PRRC1: variants seen among roughly 807,000 people sequenced by gnomAD.
PRRC1 encodes the protein proline rich coiled-coil 1.
Under a neutral mutation model 40.7 loss-of-function variants are expected in PRRC1, and 39 were observed. The observed-to-expected ratio is 0.96, with a 90% CI of 0.74 to 1.25. The LOEUF is 1.25. Ranked by LOEUF, PRRC1 falls within the 50% of genes most tolerant of loss-of-function variation. PRRC1 has a pLI of 0.00. For synonymous variants in PRRC1, 175 were observed against 193.3 expected (o/e 0.91, Z 0.79); for missense variants, 573 against 548.3 (o/e 1.05, Z -0.45).
chr5:127,548,940 CTG>C (rs1044498742), intron 8 of PRRC1: 39 of 152,020 alleles, frequency 2.6e-4, no homozygotes, highest in Admixed American at 4.6e-4. Flanking sequence ...GATTAAAAGA[CTG>C]TAAGTGAATA....
intron 3 of PRRC1, among the ~76,000 whole-genome samples, chr5:127,525,398 A>T (rs1217016178): frequency 6.6e-6 from 1 of 152,234 alleles, no homozygotes; most frequent in Non-Finnish European, 1.5e-5. Context: ...ATGAATATGT[A>T]TACCACATTT....
intron 7 of PRRC1, among the ~76,000 whole-genome samples, chr5:127,543,156 T>A (rs1219304542): frequency 1.3e-5 from 2 of 152,164 alleles, no homozygotes; most frequent in Admixed American, 6.5e-5. Context: ...GGATATGAAA[T>A]TCTGGGTTGA....
intron 7 of PRRC1, among the ~76,000 whole-genome samples, chr5:127,547,464 A>G (rs555582777): frequency 2.0e-5 from 3 of 152,260 alleles, no homozygotes; most frequent in African/African-American, 7.2e-5. Flanking sequence ...GCAAGTGACA[A>G]TTGAAAAATA....
In PRRC1 at chr5:127,524,562, A is replaced by G. The variant is rs1678462436; in HGVS notation, c.135A>G (p.Val45=). The G allele has an allele frequency of 1.2e-6, 2 of 1,610,992 alleles. No individual in the cohort carries two copies. The highest frequency in any genetic ancestry group is 1.7e-6 in the Non-Finnish European group (2 of 1,177,754). ...CCAGTTCTTTTTCTTCTCCAAATGT[A>G]TCCTCCATGGAGTCCTTCCCACCAC... ...AATSSFSSPN[V]SSMESFPPLA... is the part of the protein sequence containing the mutation. Residue 45 remains valine, a synonymous_variant, in exon 3 of 9, where the codon GTA becomes GTG. Transcript: ENST00000296666.
chr5:127,526,885 CT>C, intron 4 of PRRC1, 107 bp downstream of exon 4: 1 of 1,017,686 alleles, frequency 9.8e-7, no homozygotes, highest in Non-Finnish European at 1.4e-6. Context: ...AAATAAAATT[CT>C]TTTTTATTAG....
rs187978100 is a variant in PRRC1 at position 127,525,002 on chromosome 5, T to A, written c.493+82T>A. On this transcript the variant is annotated intron_variant, in intron 3 of 8. Coordinates refer to ENST00000296666, the MANE Select transcript of PRRC1 (RefSeq NM_130809.5). Reference sequence around the variant, plus strand: ...TTAAAATAATAGCTTTGTTGAGATATAATTTATGTACTCTACAATTCACCC... The same window carrying A: ...TTAAAATAATAGCTTTGTTGAGATAAAATTTATGTACTCTACAATTCACCC... 127 of 1,314,458 alleles carry A rather than the reference T, an allele frequency of 9.7e-5. 1 individual carries two copies. The East Asian group carries it at 2.6e-3, about 27-fold the overall frequency. The allele number at this position is 1,314,458 out of a possible 1,614,324, so 81.4% of individuals were successfully genotyped here. A position where few individuals can be genotyped will look rare whatever the true frequency, so the allele number is the denominator to read the frequency against.
At chr5:127,550,444 A>C (rs1768348263) in intron 8 of PRRC1, 1 of 152,182 alleles carries the variant, frequency 6.6e-6, no homozygotes, top group Admixed American at 6.6e-5. Context: ...TCTGGAAATA[A>C]ATTTCATACA....
chr5:127,546,386 C>T (rs1768223497), intron 7 of PRRC1, among the ~76,000 whole-genome samples: 1 of 152,188 alleles, frequency 6.6e-6, no homozygotes, highest in African/African-American at 2.4e-5. Flanking sequence ...ATCACGGTCA[C>T]TTGTGGTCTG....
intron 3 of PRRC1, among the ~76,000 whole-genome samples, chr5:127,525,311 A>G (rs1767590872): frequency 6.6e-6 from 1 of 152,190 alleles, no homozygotes; most frequent in Non-Finnish European, 1.5e-5. Context: ...TTTAACTTAA[A>G]TATTTTCAAG....
At position 127,551,715 on chromosome 5, in the gene PRRC1, T is replaced by TCTAA. The variant is rs763127109; in HGVS notation, c.1140_1143dup (p.Pro382AsnfsTer6). ...ATTTCATCTTTCCACAGGCTCAAAG[T>TCTAA]CTAACTCCCCAGGACTATAATCTGA... On this transcript the variant is annotated frameshift_variant, in exon 9 of 9. Transcript: ENST00000296666. LOFTEE classifies it high-confidence loss of function. 7 of 1,614,084 alleles carry TCTAA rather than the reference T, an allele frequency of 4.3e-6. No individual in the cohort carries two copies. The highest frequency in any genetic ancestry group is 2.2e-5 in the South Asian group (2 of 91,078).
rs1399324481 is a variant in PRRC1 at position 127,551,995 on chromosome 5, C to T, written c.*79C>T. On this transcript the variant is annotated 3_prime_UTR_variant, in exon 9 of 9. Coordinates refer to ENST00000296666, the MANE Select transcript of PRRC1 (RefSeq NM_130809.5). Reference sequence around the variant, plus strand: ...AAGAAGTGGTTGTACCTTCCTAAATCGAATAGTCTAAATGAATCCAGTAGT... The same window carrying T: ...AAGAAGTGGTTGTACCTTCCTAAATTGAATAGTCTAAATGAATCCAGTAGT... 5.1e-6 allele frequency: 8 copies of T among 1,583,060 alleles called. No homozygotes were observed. Among genetic ancestry groups the T allele is most frequent in the African/African-American group, 2.7e-5 (2 of 74,230 alleles).
chr5:127,548,456 C>CT (rs33977862), intron 8 of PRRC1: 20,154 of 137,518 alleles, frequency 0.15, 2,329 homozygotes, highest in African/African-American at 0.33. Context: ...CCTTATTCCT[C>CT]TTTTTTTTTT....
intron 4 of PRRC1, among the ~76,000 whole-genome samples, chr5:127,529,969 T>C (rs1561681530): frequency 6.6e-6 from 1 of 152,042 alleles, no homozygotes; most frequent in Non-Finnish European, 1.5e-5. Context: ...ATCTTTTATA[T>C]AAATAAGTAG....
chr5:127,546,209 C>G (rs887213839), intron 7 of PRRC1, among the ~76,000 whole-genome samples: 2 of 152,170 alleles, frequency 1.3e-5, no homozygotes, highest in Non-Finnish European at 2.9e-5. Context: ...TCTGCTGTGT[C>G]CAGCCTGTTG....
At chr5:127,551,469 C>T (rs1340579140) in intron 8 of PRRC1, 2 of 471,680 alleles carry the variant, frequency 4.2e-6, no homozygotes, top group East Asian at 3.8e-5. Flanking sequence ...AGAACTCAAA[C>T]CTTCCGACTG....
Position 127,553,898 on chromosome 5 carries a change from G to A in PRRC1, c.*1982G>A. The A allele has an allele frequency of 6.5e-7, 1 of 1,535,476 alleles. No individual in the cohort carries two copies. Among genetic ancestry groups the A allele is most frequent in the South Asian group, 1.2e-5 (1 of 84,048 alleles). ...GGTGACCTGGTAAGCCTCCTGCTCG[G>A]AACCGTGTGAGTGGGTGAGGAAGAT... On this transcript the variant is annotated 3_prime_UTR_variant, in exon 9 of 9. Coordinates refer to ENST00000296666, the MANE Select transcript of PRRC1 (RefSeq NM_130809.5).
In PRRC1 at chr5:127,551,905, A is replaced by G. The variant is rs1407939905; in HGVS notation, c.1327A>G (p.Arg443Gly). Residue 443 changes from arginine to glycine, a missense_variant, in exon 9 of 9, where the codon AGG (arginine) becomes GGG (glycine). Coordinates refer to ENST00000296666, the MANE Select transcript of PRRC1 (RefSeq NM_130809.5). ...AGMYKQRLPP[R>G]TV ...CATGTATAAACAGCGCCTGCCACCC[A>G]GGACAGTGTGAGAGGAGACCTACCT... 6.2e-7 allele frequency: 1 copy of G among 1,614,086 alleles called. No homozygotes were observed. The highest frequency in any genetic ancestry group is 8.5e-7 in the Non-Finnish European group (1 of 1,179,976).
In PRRC1 at chr5:127,539,843, A is replaced by G. The variant is rs921733502; in HGVS notation, c.1025+700A>G. On this transcript the variant is annotated intron_variant, in intron 7 of 8. Transcript: ENST00000296666. Reference sequence around the variant, plus strand: ...GGCCAGTGGGAAAGAAGATATATGTAGTACACAGATGAGCAGTTTTAAGTA... The same window carrying G: ...GGCCAGTGGGAAAGAAGATATATGTGGTACACAGATGAGCAGTTTTAAGTA... 3.3e-5 allele frequency among the ~76,000 whole-genome samples: 5 copies of G among 152,160 alleles called. 1 individual carries two copies. The highest frequency in any genetic ancestry group is 1.2e-4 in the African/African-American group (5 of 41,470).
Position 127,553,273 on chromosome 5 carries a change from T to C in PRRC1, c.*1357T>C. 1.0e-6 allele frequency: 1 copy of C among 987,314 alleles called. No homozygotes were observed. Among genetic ancestry groups the C allele is most frequent in the Non-Finnish European group, 1.2e-6 (1 of 831,344 alleles). 61.2% of individuals were successfully genotyped at this position (987,314 alleles called of 1,614,324 possible). A position where few individuals can be genotyped will look rare whatever the true frequency, so the allele number is the denominator to read the frequency against. Reference sequence around the variant, plus strand: ...TTTGTGTTAATGCCACTTCAAGTCATTATTTGGTTTCTGCTATTTTTTTAC... The same window carrying C: ...TTTGTGTTAATGCCACTTCAAGTCACTATTTGGTTTCTGCTATTTTTTTAC... On this transcript the variant is annotated 3_prime_UTR_variant, in exon 9 of 9. Coordinates refer to ENST00000296666, the MANE Select transcript of PRRC1 (RefSeq NM_130809.5).
Sources: allele counts gnomAD v4.1 joint callset (sites outside exome capture counted in the v4.1 genomes callset), GRCh38; gene constraint gnomAD v4.1.1; transcripts MANE v1.5; gene names NCBI Gene and HGNC (gene_info 2026-07-23, HGNC 2026-07-21).